Variants in ATP6V1C2 observed in about 807,000 individuals in gnomAD.
The protein encoded by ATP6V1C2 is ATPase H+ transporting V1 subunit C2.
Under a neutral mutation model 56.8 loss-of-function variants are expected in ATP6V1C2, and 45 were observed. The observed-to-expected ratio is 0.79, with a 90% CI of 0.62 to 1.02. The LOEUF (loss-of-function observed/expected upper bound fraction) is 1.02. Ranked by LOEUF, ATP6V1C2 falls within the 50% of genes least tolerant of loss-of-function variation. ATP6V1C2 has a pLI of 0.00. For missense variants in ATP6V1C2, 463 were observed against 519.7 expected, an observed-to-expected ratio of 0.89 and a Z score of 1.06; for synonymous variants, 220 against 201.3, an observed-to-expected ratio of 1.09 and a Z score of -0.79.
At chr2:10,740,124 A>G (rs1047700498) in intron 3 of ATP6V1C2, among the ~76,000 whole-genome samples, 1 of 151,554 alleles carries the variant, frequency 6.6e-6, no homozygotes, top group African/African-American at 2.4e-5. Context: ...TTGCATGCCC[A>G]GAAGTGGAAT....
intron 3 of ATP6V1C2, among the ~76,000 whole-genome samples, chr2:10,742,372 G>A (rs1662604397): frequency 6.6e-6 from 1 of 152,176 alleles, no homozygotes; most frequent in African/African-American, 2.4e-5. Flanking sequence ...GCTGGAGGTG[G>A]GAGACCCAAC....
At chr2:10,730,653 C>CTT (rs34341407) in intron 3 of ATP6V1C2, among the ~76,000 whole-genome samples, 9 of 97,742 alleles carry the variant, frequency 9.2e-5, no homozygotes, top group African/African-American at 1.1e-4. Flanking sequence ...AGGTGTAAAC[C>CTT]TTTTTTTTTT....
Position 10,771,924 on chromosome 2 carries a change from G to A in ATP6V1C2, c.556G>A (p.Val186Ile). The A allele has an allele frequency of 6.2e-7, 1 of 1,614,004 alleles. No individual in the cohort carries two copies. Reference protein sequence around the residue: ...LDSEYLVTLLVIVPKPNYSQW... With the variant: ...LDSEYLVTLLIIVPKPNYSQW... Reference sequence around the variant, plus strand: ...TTCTGAATATCTCGTCACACTTCTGGTCATCGTCCCCAAGTGAGTGCTGGG... The same window carrying A: ...TTCTGAATATCTCGTCACACTTCTGATCATCGTCCCCAAGTGAGTGCTGGG... Residue 186 changes from valine to isoleucine, a missense_variant, in exon 7 of 14, where the codon GTC becomes ATC. Transcript: ENST00000272238.
chr2:10,764,300 C>T (rs1558413290), intron 4 of ATP6V1C2, 31 bp from the exon 5 acceptor site: 5 of 1,543,048 alleles, frequency 3.2e-6, no homozygotes, highest in Middle Eastern at 1.7e-4. Context: ...AGCGCAGGCT[C>T]ATGTGTTGAA....
chr2:10,748,724 A>C (rs1288346736), intron 3 of ATP6V1C2, among the ~76,000 whole-genome samples: 1 of 151,850 alleles, frequency 6.6e-6, no homozygotes, highest in Non-Finnish European at 1.5e-5. Flanking sequence ...TTTATGATCA[A>C]TTTCTGCTTC....
chr2:10,750,752 A>G (rs553915657), intron 3 of ATP6V1C2, among the ~76,000 whole-genome samples: 1 of 152,230 alleles, frequency 6.6e-6, no homozygotes, highest in South Asian at 2.1e-4. Context: ...TACTCAAAAT[A>G]TTATAGGGGA....
Position 10,777,797 on chromosome 2 carries a change from G to T in ATP6V1C2, c.963+75G>T, listed in dbSNP as rs940644461. On this transcript the variant is annotated intron_variant, in intron 11 of 13. Coordinates refer to ENST00000272238, the MANE Select transcript of ATP6V1C2 (RefSeq NM_001039362.2). ...CAGCTCAGGCGCCTTCTGGGAAAAT[G>T]AATCCTTGCATTTTTCTGTTCTCTA... 4 of 1,520,346 alleles carry T rather than the reference G, an allele frequency of 2.6e-6. No homozygotes were observed. The African/African-American group carries it at 5.6e-5, about 21-fold the overall frequency. 94.2% of individuals were successfully genotyped at this position (1,520,346 alleles called of 1,614,324 possible). A position where few individuals can be genotyped will look rare whatever the true frequency, so the allele number is the denominator to read the frequency against.
intron 4 of ATP6V1C2, among the ~76,000 whole-genome samples, chr2:10,761,903 C>T (rs891874287): frequency 2.0e-5 from 3 of 152,246 alleles, no homozygotes; most frequent in East Asian, 1.9e-4. Context: ...TCTTCCGAGT[C>T]CCGGTGGCCT....
chr2:10,785,107 A>G lies in ATP6V1C2; in HGVS notation c.*1844A>G. 1.0e-6 allele frequency: 1 copy of G among 997,272 alleles called. No homozygotes were observed. The highest frequency in any genetic ancestry group is 1.6e-6 in the Non-Finnish European group (1 of 644,970). The allele number at this position is 997,272 out of a possible 1,614,324, so 61.8% of individuals were successfully genotyped here. ...TGCAGAAGAATAAACAACTTTAAAA[A>G]TAACAGTCTGCCTACTTTGTTTATG... On this transcript the variant is annotated 3_prime_UTR_variant, in exon 14 of 14. Coordinates refer to ENST00000272238, the MANE Select transcript of ATP6V1C2 (RefSeq NM_001039362.2).
At chr2:10,753,901 CT>C in intron 3 of ATP6V1C2, 79 bp from the exon 4 acceptor site, 3 of 1,333,834 alleles carry the variant, frequency 2.2e-6, no homozygotes, top group Middle Eastern at 1.8e-4. Flanking sequence ...TCACCAGCTA[CT>C]TTTCCTGCCA....
chr2:10,772,872 A>T (rs368953946), intron 8 of ATP6V1C2, among the ~76,000 whole-genome samples: 77 of 119,884 alleles, frequency 6.4e-4, no homozygotes, highest in African/African-American at 2.2e-3. Flanking sequence ...CAGCCTCTCC[A>T]CGCCGTTGCC....
At chr2:10,753,955 C>A (rs752867134) in intron 3 of ATP6V1C2, 26 bp from the exon 4 acceptor site, 9 of 1,575,160 alleles carry the variant, frequency 5.7e-6, no homozygotes, top group Non-Finnish European at 7.8e-6. Context: ...CTACTCTAAC[C>A]GGCTCTTTTT....
At chr2:10,732,254 A>G (rs1377263028) in intron 3 of ATP6V1C2, among the ~76,000 whole-genome samples, 1 of 137,752 alleles carries the variant, frequency 7.3e-6, no homozygotes, top group Non-Finnish European at 1.6e-5. Flanking sequence ...TCTTTCTCTC[A>G]CTCTTTCTCT....
chr2:10,723,764 G>A (rs1370476540), intron 2 of ATP6V1C2, among the ~76,000 whole-genome samples: 4 of 151,470 alleles, frequency 2.6e-5, no homozygotes, highest in Non-Finnish European at 5.9e-5. Context: ...GTGTGAATCC[G>A]GGAGGTGGAG....
At chr2:10,741,605 G>T (rs1473796099) in intron 3 of ATP6V1C2, among the ~76,000 whole-genome samples, 2 of 152,166 alleles carry the variant, frequency 1.3e-5, no homozygotes, top group African/African-American at 4.8e-5. Flanking sequence ...GGGCATGCTA[G>T]CACCTGCTTT....
At position 10,773,838 on chromosome 2, in the gene ATP6V1C2, G is replaced by GACGGGGATCTCCCAGGGCT. The variant is rs1664784715; in HGVS notation, c.639-946_639-928dup. On this transcript the variant is annotated intron_variant, in intron 8 of 13. Transcript: ENST00000272238. ...CTCTGCCCTGGGGCCCCTGCTGGGG[G>GACGGGGATCTCCCAGGGCT]ACGGGGATCTCCCAGGGCTACGAGA... 2.0e-5 allele frequency among the ~76,000 whole-genome samples: 3 copies of GACGGGGATCTCCCAGGGCT among 152,242 alleles called. No homozygotes were observed. The South Asian group carries it at 6.2e-4, about 31-fold the overall frequency.
At chr2:10,730,833 A>G (rs1335073420) in intron 3 of ATP6V1C2, among the ~76,000 whole-genome samples, 3 of 151,774 alleles carry the variant, frequency 2.0e-5, no homozygotes, top group Non-Finnish European at 4.4e-5. Flanking sequence ...TGTGTTTTTT[A>G]GTAGAGACGG....
At chr2:10,729,005 C>T (rs1036118700) in intron 3 of ATP6V1C2, among the ~76,000 whole-genome samples, 5 of 150,912 alleles carry the variant, frequency 3.3e-5, no homozygotes, top group African/African-American at 1.2e-4. Flanking sequence ...TGGCTGGCGC[C>T]TGTAATCCCA....
At chr2:10,774,014 G>T (rs570184122) in intron 8 of ATP6V1C2, among the ~76,000 whole-genome samples, 11 of 152,258 alleles carry the variant, frequency 7.2e-5, no homozygotes, top group Non-Finnish European at 1.5e-4. Context: ...TGCTCTTAAA[G>T]GCCAAGAGCC....
Sources: allele counts gnomAD v4.1 joint callset (sites outside exome capture counted in the v4.1 genomes callset), GRCh38; gene constraint gnomAD v4.1.1; transcripts MANE v1.5; gene names NCBI Gene and HGNC (gene_info 2026-07-23, HGNC 2026-07-21).